ZNF737: variants seen among roughly 807,000 people sequenced by gnomAD.
The protein encoded by ZNF737 is zinc finger protein 102 (Y3).
Under a neutral mutation model 11.7 loss-of-function variants are expected in ZNF737, and 13 were observed. The observed-to-expected ratio is 1.11, with a 90% confidence interval of 0.73 to 1.77. The LOEUF (loss-of-function observed/expected upper bound fraction) is 1.77, where lower values mean the gene tolerates loss of function less well. Ranked by LOEUF, ZNF737 falls within the 40% of genes most tolerant of loss-of-function variation. The pLI is 0.00. For missense variants in ZNF737, 636 were observed against 638.0 expected (o/e 1.00, Z 0.03); for synonymous variants, 217 against 216.2 (o/e 1.00, Z -0.03).
Position 20,545,614 on chromosome 19 carries a change from C to A in ZNF737, c.589G>T (p.Gly197Trp), listed in dbSNP as rs1555756792. The A allele has an allele frequency of 6.2e-7, 1 of 1,613,866 alleles. No individual in the cohort carries two copies. The highest frequency in any genetic ancestry group is 8.5e-7 in the Non-Finnish European group (1 of 1,179,950). The stretch of plus-strand genomic sequence containing the variant: ...TCTTCACATTTGAAGGGTTTCTCCC[C>A]AGTATGAATTTTCTTATGTGTAGTA... ...TLTTHKKIHT[G>W]EKPFKCEECG... Residue 197 changes from glycine to tryptophan, a missense_variant, in exon 4 of 4, where the codon GGG (glycine) becomes TGG (tryptophan). Coordinates refer to ENST00000427401, the MANE Select transcript of ZNF737 (RefSeq NM_001159293.2).
downstream of ZNF737, among the ~76,000 whole-genome samples, chr19:20,534,147 A>G (rs145862556): frequency 1.9e-3 from 287 of 150,402 alleles, 18 homozygotes; most frequent in African/African-American, 6.5e-3. Context: ...TTGATTCAGA[A>G]AAGTTGAACA....
At chr19:20,550,695 G>A (rs373401165) in intron 3 of ZNF737, among the ~76,000 whole-genome samples, 1 of 152,134 alleles carries the variant, frequency 6.6e-6, no homozygotes, top group African/African-American at 2.4e-5. Flanking sequence ...TTTGAGACCA[G>A]CCTGGGTCTC....
Position 20,541,384 on chromosome 19 carries a change from G to A in ZNF737, c.*3208C>T. On this transcript the variant is annotated 3_prime_UTR_variant, in exon 4 of 4. Coordinates refer to ENST00000427401, the MANE Select transcript of ZNF737 (RefSeq NM_001159293.2). ...ATGTGTTTGCAGGCAGAGACCACAT[G>A]TTCAAGGAAAACTATATTACAAGTA... 6 of 983,520 alleles carry A rather than the reference G, an allele frequency of 6.1e-6. No homozygotes were observed. Among genetic ancestry groups the A allele is most frequent in the Non-Finnish European group, 7.2e-6 (6 of 828,272 alleles). 60.9% of individuals were successfully genotyped at this position (983,520 alleles called of 1,614,324 possible).
chr19:20,534,457 C>G (rs1168968929), downstream of ZNF737, among the ~76,000 whole-genome samples: 1 of 85,796 alleles, frequency 1.2e-5, no homozygotes, highest in African/African-American at 3.6e-5. Flanking sequence ...GAAAAAATAT[C>G]TATCTATCTA....
rs1463107724 is a variant in ZNF737 at position 20,544,979 on chromosome 19, GTACT to G, written c.1220_1223del (p.Lys407ThrfsTer10). The G allele has an allele frequency of 2.5e-6, 4 of 1,612,214 alleles. No individual in the cohort carries two copies. The African/African-American group carries it at 5.4e-5, about 22-fold the overall frequency. On this transcript the variant is annotated frameshift_variant, in exon 4 of 4. Coordinates refer to ENST00000427401, the MANE Select transcript of ZNF737 (RefSeq NM_001159293.2). LOFTEE classifies it low-confidence loss of function (END_TRUNC). ...TCTTATGTGTAGTAAGGGAAGAGGAGTACTTAAAGGCTTCGCCACATTCTTCACA... is the reference window on the plus strand; with the variant it reads ...TCTTATGTGTAGTAAGGGAAGAGGAGTAAAGGCTTCGCCACATTCTTCACA...
intron 1 of ZNF737, among the ~76,000 whole-genome samples, chr19:20,555,146 A>C (rs1292314635): frequency 2.0e-5 from 3 of 150,966 alleles, no homozygotes; most frequent in Non-Finnish European, 4.4e-5. Context: ...TACAGGCATG[A>C]GCCATTGCGC....
chr19:20,551,429 C>CAAA (rs59406979), intron 3 of ZNF737, among the ~76,000 whole-genome samples: 40 of 102,294 alleles, frequency 3.9e-4, no homozygotes, highest in African/African-American at 1.2e-3. Flanking sequence ...AACCCCATCT[C>CAAA]AAAAAAAAAA....
downstream of ZNF737, among the ~76,000 whole-genome samples, chr19:20,531,203 G>C (rs374563748): frequency 1.5e-4 from 20 of 132,480 alleles, no homozygotes; most frequent in East Asian, 1.0e-3. Context: ...GGCTTGGCAT[G>C]AGAGGGAGAC....
Position 20,544,780 on chromosome 19 carries a change from G to A in ZNF737, c.1423C>T (p.His475Tyr), listed in dbSNP as rs782715044. 2.5e-6 allele frequency: 4 copies of A among 1,609,090 alleles called. No individual in the cohort carries two copies. The Admixed American group carries it at 6.8e-5, about 27-fold the overall frequency. ...CATTTGTAGGGTTTCTCTCCAGTAT[G>A]AATTCTCTTATGTGCAGTAAGGTGT... ...SSHLTAHKRI[H>Y]TGEKPYKCER... Residue 475 changes from histidine (H) to tyrosine (Y), a missense_variant, in exon 4 of 4, where the codon CAT becomes TAT. Transcript: ENST00000427401.
intron 3 of ZNF737, among the ~76,000 whole-genome samples, chr19:20,551,705 C>G (rs1968678646): frequency 6.6e-6 from 1 of 150,572 alleles, no homozygotes; most frequent in African/African-American, 2.4e-5. Context: ...TAATAAATTT[C>G]TGAGAAAAAA....
In ZNF737 at chr19:20,545,734, AT is replaced by A; in HGVS notation, c.468del (p.Lys156AsnfsTer10). 1 of 1,613,008 alleles carries A rather than the reference AT, an allele frequency of 6.2e-7. No homozygotes were observed. Among genetic ancestry groups the A allele is most frequent in the Non-Finnish European group, 8.5e-7 (1 of 1,179,590 alleles). ...ATCTTATGTCTGTTTGAATTTGAAA[AT>A]TTATGAATGACTTTCACATATTTAT... ...QCDKYVKVIH[K>X]FSNSNRHKIR... On this transcript the variant is annotated frameshift_variant, in exon 4 of 4. Transcript: ENST00000427401. LOFTEE classifies it low-confidence loss of function (END_TRUNC).
chr19:20,533,119 T>C (rs1967869645), downstream of ZNF737, among the ~76,000 whole-genome samples: 1 of 150,098 alleles, frequency 6.7e-6, no homozygotes, highest in African/African-American at 2.5e-5. Flanking sequence ...GAAAAGTCAA[T>C]CCTGACATGG....
chr19:20,542,258 T>G lies in ZNF737; in HGVS notation c.*2334A>C. On this transcript the variant is annotated 3_prime_UTR_variant, in exon 4 of 4. Transcript: ENST00000427401. ...CTTTTTTTTTTTTGAGACAGAGTTTTGCTCTTGTTGCCCAGACTGGAGTGC... is the reference window on the plus strand; with the variant it reads ...CTTTTTTTTTTTTGAGACAGAGTTTGGCTCTTGTTGCCCAGACTGGAGTGC... 1.1e-6 allele frequency: 1 copy of G among 922,630 alleles called. No homozygotes were observed. Among genetic ancestry groups the G allele is most frequent in the South Asian group, 5.0e-5 (1 of 19,938 alleles). The allele number at this position is 922,630 out of a possible 1,614,324, so 57.2% of individuals were successfully genotyped here.
At position 20,539,974 on chromosome 19, in the gene ZNF737, A is replaced by T. The variant is rs190749471; in HGVS notation, c.*4618T>A. 1.4e-3 allele frequency: 1,367 copies of T among 985,160 alleles called. 13 individuals are homozygous for T. In the African/African-American group the frequency reaches 0.022, roughly 16 times the overall value. The allele number at this position is 985,160 out of a possible 1,614,324, so 61.0% of individuals were successfully genotyped here. A position where few individuals can be genotyped will look rare whatever the true frequency, so the allele number is the denominator to read the frequency against. The stretch of plus-strand genomic sequence containing the variant: ...CCCAGGTTACCTTTTTCCTCCCATT[A>T]ATGTGGACCTGTTGTGGTCTCCTGT... On this transcript the variant is annotated 3_prime_UTR_variant, in exon 4 of 4. Transcript: ENST00000427401.
At chr19:20,535,561 T>C, downstream of ZNF737, among the ~76,000 whole-genome samples, 1 of 151,118 alleles carries the variant, frequency 6.6e-6, no homozygotes, top group East Asian at 1.9e-4. Context: ...ATTTTGCTTT[T>C]GTCACCCAAG....
At position 20,539,550 on chromosome 19, in the gene ZNF737, G is replaced by C; in HGVS notation, c.*5042C>G. On this transcript the variant is annotated 3_prime_UTR_variant, in exon 4 of 4. Coordinates refer to ENST00000427401, the MANE Select transcript of ZNF737 (RefSeq NM_001159293.2). ...CAAATGTTTTCTCTAATGTTACCTT[G>C]GTCATGTGAATCTAAAAGAAACTAT... 7.1e-6 allele frequency: 7 copies of C among 983,990 alleles called. No homozygotes were observed. The highest frequency in any genetic ancestry group is 7.2e-6 in the Non-Finnish European group (6 of 828,708). 61.0% of individuals were successfully genotyped at this position (983,990 alleles called of 1,614,324 possible). A position where few individuals can be genotyped will look rare whatever the true frequency, so the allele number is the denominator to read the frequency against.
In ZNF737 at chr19:20,541,736, T is replaced by C. The variant is rs147922620; in HGVS notation, c.*2856A>G. On this transcript the variant is annotated 3_prime_UTR_variant, in exon 4 of 4. Coordinates refer to ENST00000427401, the MANE Select transcript of ZNF737 (RefSeq NM_001159293.2). Reference sequence around the variant, plus strand: ...CCACTGTGCCTGGCCGTATTTTATTTACATTTTTGTATAATTATTATGATC... The same window carrying C: ...CCACTGTGCCTGGCCGTATTTTATTCACATTTTTGTATAATTATTATGATC... Among the ~76,000 whole-genome samples the C allele has an allele frequency of 1.4e-4, 21 of 152,372 alleles. No homozygotes were observed. The highest frequency in any genetic ancestry group is 2.4e-4 in the Non-Finnish European group (16 of 68,032).
chr19:20,531,241 G>GGAGAGAC (rs1967818636), downstream of ZNF737, among the ~76,000 whole-genome samples: 1 of 81,192 alleles, frequency 1.2e-5, no homozygotes, highest in African/African-American at 7.1e-5. Flanking sequence ...AGAGGGGAGA[G>GGAGAGAC]GGGAGACGGG....
chr19:20,550,695 G>T lies in ZNF737; in HGVS notation c.226+1780C>A, dbSNP rs373401165. ...GCTTCAGGCCAGGATTTTGAGACCA[G>T]CCTGGGTCTCAAAGACCAGATCAAA... On this transcript the variant is annotated intron_variant, in intron 3 of 3. Coordinates refer to ENST00000427401, the MANE Select transcript of ZNF737 (RefSeq NM_001159293.2). 1.2e-4 allele frequency among the ~76,000 whole-genome samples: 18 copies of T among 152,252 alleles called. No individual in the cohort carries two copies. In the East Asian group the frequency reaches 1.7e-3, roughly 15 times the overall value.
Sources: gnomAD v4.1 joint callset for allele counts (sites outside exome capture counted in the v4.1 genomes callset) on GRCh38, gnomAD v4.1.1 for gene constraint, MANE v1.5 for transcripts, NCBI Gene and HGNC (gene_info 2026-07-23, HGNC 2026-07-21) for gene names.